Variants in SLC27A4 observed in about 807,000 individuals in gnomAD.
SLC27A4 encodes the protein solute carrier family 27 member 4.
In SLC27A4, 33 loss-of-function variants were observed where a neutral mutation model predicts 64.4. The ratio of observed to expected loss-of-function variants is 0.51; its 90% CI spans 0.39 to 0.68. SLC27A4 has a LOEUF of 0.68. SLC27A4 is among the 30% of genes least tolerant of loss of function. SLC27A4 has a pLI of 0.00. For missense variants in SLC27A4, 824 were observed against 883.5 expected (o/e 0.93, Z 0.85); for synonymous variants, 377 against 370.0 (o/e 1.02, Z -0.22).
chr9:128,356,440 A>G (rs1832821165), intron 12 of SLC27A4, among the ~76,000 whole-genome samples: 1 of 152,238 alleles, frequency 6.6e-6, no homozygotes, highest in South Asian at 2.1e-4. Flanking sequence ...AGGGGCCAGA[A>G]GCCCAGGGCC....
Position 128,353,027 on chromosome 9 carries a change from T to G in SLC27A4, c.990T>G (p.Ile330Met), listed in dbSNP as rs1399890950. The change falls in exon 8 of 13, where the codon ATT becomes ATG. Residue 330 changes from isoleucine to methionine, a missense_variant and splice_region_variant. Ile to Met is a conservative substitution (Grantham distance 10, BLOSUM62 1). Coordinates refer to ENST00000300456, the MANE Select transcript of SLC27A4 (RefSeq NM_005094.4). The surrounding 1 kb of genome is among the most constrained non-coding windows in gnomAD (Gnocchi z 4.9). ...AATCACACCAAGTTCACCCCCAGAT[T>G]GTGCAGTACATTGGTGAACTGTGCC... ...WDDCIKYNCT[I>M]VQYIGELCRY... 1 of 1,613,034 alleles carries G rather than the reference T, an allele frequency of 6.2e-7. No homozygotes were observed.
Position 128,340,585 on chromosome 9 carries a change from T to C in SLC27A4, c.-260T>C, listed in dbSNP as rs1832553305. On this transcript the variant is annotated 5_prime_UTR_variant, in exon 1 of 13. Coordinates refer to ENST00000300456, the MANE Select transcript of SLC27A4 (RefSeq NM_005094.4). ...TGTGGCTTGCCGGCTTCGGGGAAGG[T>C]GCGGCAGGCGGTGCTGCGGCCTGGC... 1 of 222,726 alleles carries C rather than the reference T, an allele frequency of 4.5e-6. No homozygotes were observed. Among genetic ancestry groups the C allele is most frequent in the African/African-American group, 2.6e-5 (1 of 39,172 alleles). 13.8% of individuals were successfully genotyped at this position (222,726 alleles called of 1,614,324 possible). A position where few individuals can be genotyped will look rare whatever the true frequency, so the allele number is the denominator to read the frequency against.
chr9:128,348,261 C>T (rs901680889), intron 3 of SLC27A4, among the ~76,000 whole-genome samples: 11 of 152,178 alleles, frequency 7.2e-5, no homozygotes, highest in African/African-American at 2.4e-4. Context: ...CTCTCATTCT[C>T]GGAGCGTCAA....
intron 3 of SLC27A4, among the ~76,000 whole-genome samples, chr9:128,346,197 G>C (rs1422631581): frequency 6.6e-6 from 1 of 151,426 alleles, no homozygotes; most frequent in Non-Finnish European, 1.5e-5. Flanking sequence ...CACCACACCT[G>C]GCCTACTAAA....
intron 3 of SLC27A4, among the ~76,000 whole-genome samples, chr9:128,346,646 G>A (rs1409087685): frequency 1.3e-5 from 2 of 151,936 alleles, no homozygotes; most frequent in Non-Finnish European, 2.9e-5. Context: ...AGGCTGCAGT[G>A]AGTGATGATT....
At chr9:128,351,894 A>G (rs1212451049) in intron 6 of SLC27A4, among the ~76,000 whole-genome samples, 1 of 151,660 alleles carries the variant, frequency 6.6e-6, no homozygotes, top group Non-Finnish European at 1.5e-5. Context: ...TCTAAAAAAA[A>G]TTTTGTTTTA....
At position 128,348,632 on chromosome 9, in the gene SLC27A4, C is replaced by G; in HGVS notation, c.644C>G (p.Thr215Arg). The change falls in exon 4 of 13, where the codon ACA becomes AGA. Residue 215 changes from threonine (T) to arginine (R), a missense_variant. Thr to Arg is a moderately conservative substitution (Grantham distance 71). Transcript: ENST00000300456. ...GAGCCCGGTGCGGTGCCTCCAAGCACAGAACACCTGGACCCTCTGCTGAAA... is the reference window on the plus strand; with the variant it reads ...GAGCCCGGTGCGGTGCCTCCAAGCAGAGAACACCTGGACCCTCTGCTGAAA... ...SWEPGAVPPS[T>R]EHLDPLLKDA... 1 of 1,614,030 alleles carries G rather than the reference C, an allele frequency of 6.2e-7. No homozygotes were observed. Among genetic ancestry groups the G allele is most frequent in the South Asian group, 1.1e-5 (1 of 91,080 alleles).
chr9:128,340,956 A>G, intron 1 of SLC27A4, 118 bp downstream of exon 1: 1 of 482,838 alleles, frequency 2.1e-6, no homozygotes, highest in Non-Finnish European at 3.8e-6. Context: ...TTTCCCCGAC[A>G]GACGCACTGT....
intron 2 of SLC27A4, among the ~76,000 whole-genome samples, chr9:128,344,232 C>A (rs1191133092): frequency 6.6e-6 from 1 of 151,984 alleles, no homozygotes; most frequent in African/African-American, 2.4e-5. Context: ...GGCATGGAGT[C>A]CAGGGCTGGG....
At position 128,350,477 on chromosome 9, in the gene SLC27A4, T is replaced by A. The variant is rs774785753; in HGVS notation, c.786-7T>A. 8 of 1,613,976 alleles carry A rather than the reference T, an allele frequency of 5.0e-6. No homozygotes were observed. Among genetic ancestry groups the A allele is most frequent in the Non-Finnish European group, 5.9e-6 (7 of 1,179,874 alleles). On this transcript the variant is annotated splice_polypyrimidine_tract_variant and splice_region_variant and intron_variant, in intron 5 of 12. Transcript: ENST00000300456. ...CCCGCTCAGCCCTTGGCCCTGTGCC[T>A]TCCCAGGTATTACCGCATGGCTGCC...
Position 128,355,410 on chromosome 9 carries a change from T to C in SLC27A4, c.1475T>C (p.Val492Ala). 2 of 1,613,506 alleles carry C rather than the reference T, an allele frequency of 1.2e-6. 1 individual carries two copies. Among genetic ancestry groups the C allele is most frequent in the South Asian group, 2.2e-5 (2 of 91,062 alleles). The change falls in exon 11 of 13, where the codon GTG becomes GCG. Residue 492 changes from valine (V) to alanine (A), a missense_variant. Physicochemically the swap from Val to Ala is moderately conservative, Grantham distance 64 (BLOSUM62 0). Transcript: ENST00000300456. Reference sequence around the variant, plus strand: ...GGCCCCTCCCTAGGTGATGTGCTGGTGATGGACGAGCTGGGCTACCTGTAC... The same window carrying C: ...GGCCCCTCCCTAGGTGATGTGCTGGCGATGGACGAGCTGGGCTACCTGTAC... Reference protein sequence around the residue: ...DQAYLTGDVLVMDELGYLYFR... With the variant: ...DQAYLTGDVLAMDELGYLYFR...
At position 128,358,740 on chromosome 9, in the gene SLC27A4, C is replaced by T. The variant is rs150040512; in HGVS notation, c.1775-1594C>T. ...GGGATTACAGGCGTGAGCCACCATG[C>T]CTGGCCTTGTTTAATAATTTAAATG... is the stretch of plus-strand genomic sequence containing the variant. On this transcript the variant is annotated intron_variant, in intron 12 of 12. Transcript: ENST00000300456. Among the ~76,000 whole-genome samples, 569 of 152,348 alleles carry T rather than the reference C, an allele frequency of 3.7e-3. 17 individuals carry two copies. The East Asian group carries it at 0.086, about 23-fold the overall frequency.
intron 3 of SLC27A4, 49 bp from the exon 4 acceptor site, chr9:128,348,496 G>A (rs1204146897): frequency 1.2e-6 from 2 of 1,608,770 alleles, no homozygotes; most frequent in Non-Finnish European, 1.7e-6. Context: ...AGGTCCCTGG[G>A]AACATGGGGT....
chr9:128,360,038 C>T (rs1187354263), intron 12 of SLC27A4, among the ~76,000 whole-genome samples: 2 of 152,144 alleles, frequency 1.3e-5, no homozygotes, highest in Admixed American at 6.5e-5. Flanking sequence ...GTTCTGGTCC[C>T]CACTCTGCTG....
At position 128,343,430 on chromosome 9, in the gene SLC27A4, G is replaced by T; in HGVS notation, c.161+137G>T. The stretch of plus-strand genomic sequence containing the variant: ...GCTGAGTTCCAGAACAGCAGCCTCT[G>T]CTCCACACCCGTACCCTGGCAATAG... On this transcript the variant is annotated intron_variant, in intron 2 of 12. Transcript: ENST00000300456. 5 of 968,290 alleles carry T rather than the reference G, an allele frequency of 5.2e-6. No individual in the cohort carries two copies. The South Asian group carries it at 6.8e-5, about 13-fold the overall frequency. 60.0% of individuals were successfully genotyped at this position (968,290 alleles called of 1,614,324 possible).
rs1832772091 is a variant in SLC27A4 at position 128,353,633 on chromosome 9, G to A, written c.1324+92G>A. 3 of 1,361,024 alleles carry A rather than the reference G, an allele frequency of 2.2e-6. No homozygotes were observed. Among genetic ancestry groups the A allele is most frequent in the Admixed American group, 1.9e-5 (1 of 52,234 alleles). 84.3% of individuals were successfully genotyped at this position (1,361,024 alleles called of 1,614,324 possible). On this transcript the variant is annotated intron_variant, in intron 9 of 12. Coordinates refer to ENST00000300456, the MANE Select transcript of SLC27A4 (RefSeq NM_005094.4). The surrounding 1 kb of genome is among the most constrained non-coding windows in gnomAD (Gnocchi z 4.9). The stretch of plus-strand genomic sequence containing the variant: ...ATGGGGAGCCTTGTTCTGACCAGTG[G>A]CCATCAGTTATCTCTGCTCTTAGGG...
At chr9:128,360,264 G>A (rs1564405026) in intron 12 of SLC27A4, 70 bp from the exon 13 acceptor site, 1 of 1,558,220 alleles carries the variant, frequency 6.4e-7, no homozygotes, top group East Asian at 2.2e-5. Flanking sequence ...GCCTTCCTCA[G>A]TACTGGTGGT....
At chr9:128,343,443 AC>A (rs1419634616) in intron 2 of SLC27A4, 150 bp downstream of exon 2, 1 of 880,622 alleles carries the variant, frequency 1.1e-6, no homozygotes, top group African/African-American at 1.7e-5. Flanking sequence ...CCACACCCGT[AC>A]CCTGGCAATA....
At position 128,341,022 on chromosome 9, in the gene SLC27A4, G is replaced by A. The variant is rs73611687; in HGVS notation, c.-7+184G>A. On this transcript the variant is annotated intron_variant, in intron 1 of 12. Transcript: ENST00000300456. ...GCGTGACCCGGGACAGGGGCCCGAGGGAACTAGTCACCCTCTTCTGGCCTC... is the reference window on the plus strand; with the variant it reads ...GCGTGACCCGGGACAGGGGCCCGAGAGAACTAGTCACCCTCTTCTGGCCTC... Among the ~76,000 whole-genome samples the A allele has an allele frequency of 4.2e-3, 635 of 152,358 alleles. 4 individuals carry two copies. The highest frequency in any genetic ancestry group is 0.015 in the African/African-American group (613 of 41,582).
Sources: gnomAD v4.1 joint callset for allele counts (sites outside exome capture counted in the v4.1 genomes callset) on GRCh38, gnomAD v4.1.1 for gene constraint, Gnocchi (gnomAD v3.1) non-coding constraint, MANE v1.5 for transcripts, NCBI Gene and HGNC (gene_info 2026-07-23, HGNC 2026-07-21) for gene names.